WDTC1: variants seen among roughly 807,000 people sequenced by gnomAD.
The protein encoded by WDTC1 is WD and tetratricopeptide repeats protein 1.
WDTC1 carries 12 observed loss-of-function variants against 76.0 expected under a neutral mutation model. The observed-to-expected ratio is 0.16, with a 90% CI of 0.10 to 0.26. The LOEUF (loss-of-function observed/expected upper bound fraction) is 0.26. Among genes scored for constraint, WDTC1 ranks in the 10% least tolerant of loss-of-function variants. The pLI, the probability that WDTC1 is intolerant of heterozygous loss-of-function variation, is 1.00. For missense variants in WDTC1, 511 were observed against 908.8 expected (o/e 0.56, Z 5.63); for synonymous variants, 326 against 350.8 (o/e 0.93, Z 0.79).
intron 11 of WDTC1, among the ~76,000 whole-genome samples, 194 bp downstream of exon 11, chr1:27,297,350 C>G (rs1483512877): frequency 6.6e-6 from 1 of 152,224 alleles, no homozygotes; most frequent in Non-Finnish European, 1.5e-5. Context: ...GAACACTAGT[C>G]ATGGTCAGAC....
In WDTC1 at chr1:27,297,458, A is replaced by G. The variant is rs1048372021; in HGVS notation, c.1058+302A>G. Among the ~76,000 whole-genome samples, 3 of 152,158 alleles carry G rather than the reference A, an allele frequency of 2.0e-5. No individual in the cohort carries two copies. The South Asian group carries it at 6.2e-4, about 32-fold the overall frequency. The stretch of plus-strand genomic sequence containing the variant: ...GTCTCCAAAAAGGGGCTGCATACAA[A>G]TGGGCCTCCGCATTATATTATTCCC... On this transcript the variant is annotated intron_variant, in intron 11 of 15. Coordinates refer to ENST00000319394, the MANE Select transcript of WDTC1 (RefSeq NM_001276252.2).
At chr1:27,236,549 G>C (rs752515389) in intron 1 of WDTC1, among the ~76,000 whole-genome samples, 1 of 152,192 alleles carries the variant, frequency 6.6e-6, no homozygotes, top group Non-Finnish European at 1.5e-5. Flanking sequence ...TGAGGGTCAC[G>C]AGGGAAAGAG....
chr1:27,245,032 C>G (rs752385997), intron 1 of WDTC1, among the ~76,000 whole-genome samples: 12 of 150,870 alleles, frequency 8.0e-5, no homozygotes, highest in Non-Finnish European at 1.2e-4. Flanking sequence ...AAATGCCTCA[C>G]TCAGGGTCAT....
rs895084087 is a variant in WDTC1, at chr1:27,274,956, A to G, written c.133-7283A>G. Among the ~76,000 whole-genome samples, 4 of 152,228 alleles carry G rather than the reference A, an allele frequency of 2.6e-5. No individual in the cohort carries two copies. Among genetic ancestry groups the G allele is most frequent in the Admixed American group, 1.3e-4 (2 of 15,274 alleles). On this transcript the variant is annotated intron_variant, in intron 3 of 15. Coordinates refer to ENST00000319394, the MANE Select transcript of WDTC1 (RefSeq NM_001276252.2). This position sits in a 1 kb window ranked among gnomAD's most constrained non-coding sequence, Gnocchi z 4.2. ...TAAAACTCAGCATTTCTAAGGTCAG[A>G]TAAGTGGTAGAAATAAGATTTAAAA...
Position 27,308,379 on chromosome 1 carries a change from A to G in WDTC1, c.*1996A>G, listed in dbSNP as rs1026105288. 1.3e-5 allele frequency: 2 copies of G among 152,158 alleles called. No homozygotes were observed. The highest frequency in any genetic ancestry group is 4.8e-5 in the African/African-American group (2 of 41,436). The allele number at this position is 152,158 out of a possible 1,614,324, so 9.4% of individuals were successfully genotyped here. ...AGAATGAGGCCTGCCTTGAAGGGTC[A>G]CCGTGAGCAGCGGCCACCCAGCCCA... On this transcript the variant is annotated 3_prime_UTR_variant, in exon 16 of 16. Transcript: ENST00000319394.
In WDTC1 at chr1:27,297,113, C is replaced by A; in HGVS notation, c.1015C>A (p.His339Asn). 1 of 1,614,102 alleles carries A rather than the reference C, an allele frequency of 6.2e-7. No homozygotes were observed. The highest frequency in any genetic ancestry group is 8.5e-7 in the Non-Finnish European group (1 of 1,179,992). Reference protein sequence around the residue: ...SNGVSNGLHLHSNGFRLPESR... With the variant: ...SNGVSNGLHLNSNGFRLPESR... ...CGGTGTGTCCAATGGCCTGCACCTT[C>A]ATAGCAATGGCTTCCGGCTGCCGGA... The change falls in exon 11 of 16, where the codon CAT becomes AAT. Residue 339 changes from histidine (H) to asparagine (N), a missense_variant. Physicochemically the swap from His to Asn is moderately conservative, Grantham distance 68. Coordinates refer to ENST00000319394, the MANE Select transcript of WDTC1 (RefSeq NM_001276252.2).
intron 1 of WDTC1, among the ~76,000 whole-genome samples, chr1:27,260,394 C>T (rs542890442): frequency 7.9e-5 from 12 of 152,310 alleles, no homozygotes; most frequent in East Asian, 7.7e-4. Flanking sequence ...TGTGAGCCAC[C>T]GCGCCCGGCC....
chr1:27,296,614 C>G (rs1300403753), intron 10 of WDTC1, among the ~76,000 whole-genome samples: 2 of 152,148 alleles, frequency 1.3e-5, no homozygotes, highest in Non-Finnish European at 2.9e-5. Flanking sequence ...TTGCTTCCCT[C>G]TGAAAAGACA....
chr1:27,298,246 G>A, intron 12 of WDTC1, 135 bp downstream of exon 12: 1 of 1,136,756 alleles, frequency 8.8e-7, no homozygotes, highest in Non-Finnish European at 1.2e-6. Context: ...GCCTCTTAGG[G>A]CTTCTTGGCC....
Position 27,288,995 on chromosome 1 carries a change from C to T in WDTC1, c.479+1134C>T, listed in dbSNP as rs1347766586. ...GGGCGGGGGGCTGACCCCCCCCCCA[C>T]CTCCCTCCCGGACGGGGCGGCTGGC... On this transcript the variant is annotated intron_variant, in intron 6 of 15. Coordinates refer to ENST00000319394, the MANE Select transcript of WDTC1 (RefSeq NM_001276252.2). Among the ~76,000 whole-genome samples the T allele has an allele frequency of 3.6e-4, 39 of 108,484 alleles. 1 individual carries two copies. In the East Asian group the frequency reaches 8.4e-3, roughly 23 times the overall value. 71.2% of individuals were successfully genotyped at this position (108,484 alleles called of 152,430 possible).
At chr1:27,282,185 C>T in intron 3 of WDTC1, 54 bp from the exon 4 acceptor site, 1 of 1,569,442 alleles carries the variant, frequency 6.4e-7, no homozygotes, top group South Asian at 1.1e-5. Flanking sequence ...GTGTTGAGTT[C>T]CCCAGGAGAA....
chr1:27,285,679 C>T (rs1297573172), intron 5 of WDTC1, among the ~76,000 whole-genome samples: 4 of 150,696 alleles, frequency 2.7e-5, no homozygotes, highest in Non-Finnish European at 5.9e-5. Flanking sequence ...AGTACAGTGG[C>T]AAGATCTCGG....
chr1:27,289,278 G>A (rs1202422472), intron 6 of WDTC1, among the ~76,000 whole-genome samples: 4 of 149,114 alleles, frequency 2.7e-5, no homozygotes, highest in Non-Finnish European at 4.5e-5. Context: ...GGCGGCTGCC[G>A]GGCAGAGGGG....
chr1:27,235,433 T>TGG (rs1310620525), intron 1 of WDTC1, among the ~76,000 whole-genome samples: 7 of 147,148 alleles, frequency 4.8e-5, no homozygotes, highest in African/African-American at 1.8e-4. Context: ...TGTGTGTGTG[T>TGG]GTGTCCACAG....
chr1:27,292,326 C>T lies in WDTC1; in HGVS notation c.591C>T (p.Asn197=). The part of the protein sequence containing the change: ...AKCLTVNPQD[N]NCLAVGASGP... Reference sequence around the variant, plus strand: ...GCCTCACTGTCAACCCCCAGGACAACAACTGCCTGGCAGTTGGGGCCAGCG... The same window carrying T: ...GCCTCACTGTCAACCCCCAGGACAATAACTGCCTGGCAGTTGGGGCCAGCG... The change falls in exon 7 of 16, where the codon AAC becomes AAT. Residue 197 remains asparagine, a synonymous_variant. Coordinates refer to ENST00000319394, the MANE Select transcript of WDTC1 (RefSeq NM_001276252.2). 6.2e-7 allele frequency: 1 copy of T among 1,613,258 alleles called. No homozygotes were observed. Among genetic ancestry groups the T allele is most frequent in the Non-Finnish European group, 8.5e-7 (1 of 1,179,626 alleles).
intron 8 of WDTC1, among the ~76,000 whole-genome samples, 153 bp downstream of exon 8, chr1:27,294,269 C>G (rs1191707768): frequency 6.6e-6 from 1 of 152,096 alleles, no homozygotes; most frequent in Non-Finnish European, 1.5e-5. Context: ...CATTGACAAG[C>G]TATGTCACCT....
intron 3 of WDTC1, among the ~76,000 whole-genome samples, chr1:27,267,583 G>T (rs968160560): frequency 6.6e-6 from 1 of 152,040 alleles, no homozygotes; most frequent in South Asian, 2.1e-4. Context: ...ATGTAATCCA[G>T]TTACGTGGAA....
chr1:27,253,268 G>T (rs1339184031), intron 1 of WDTC1, among the ~76,000 whole-genome samples: 1 of 151,928 alleles, frequency 6.6e-6, no homozygotes, highest in Non-Finnish European at 1.5e-5. Flanking sequence ...GCCCACCTTG[G>T]CCTTCCAAAG....
At chr1:27,245,549 G>T (rs1441142279) in intron 1 of WDTC1, among the ~76,000 whole-genome samples, 2 of 150,006 alleles carry the variant, frequency 1.3e-5, no homozygotes, top group African/African-American at 2.5e-5. Flanking sequence ...AAAAGAAAGG[G>T]TTTTTTTTGG....
Sources: gnomAD v4.1 joint callset for allele counts (sites outside exome capture counted in the v4.1 genomes callset) on GRCh38, gnomAD v4.1.1 for gene constraint, Gnocchi (gnomAD v3.1) non-coding constraint, MANE v1.5 for transcripts, NCBI Gene and HGNC (gene_info 2026-07-23, HGNC 2026-07-21) for gene names.